Variants in ITFG1 observed in about 807,000 individuals in gnomAD.
The protein encoded by ITFG1 is integrin alpha FG-GAP repeat containing 1.
A neutral mutation model predicts 81.8 loss-of-function variants in ITFG1; 34 were observed. That is an observed-to-expected ratio of 0.42 (90% CI 0.32 to 0.55). ITFG1 has a LOEUF of 0.55. ITFG1 is among the 20% of genes least tolerant of loss of function. The probability of loss-of-function intolerance (pLI) is 0.17; values close to 1 mark genes in which losing one functional copy is unlikely to be tolerated. For missense variants in ITFG1, 672 were observed against 755.4 expected (o/e 0.89, Z 1.29); for synonymous variants, 285 against 270.6 (o/e 1.05, Z -0.52).
At chr16:47,370,742 G>A (rs760756997) in intron 7 of ITFG1, among the ~76,000 whole-genome samples, 10 of 152,294 alleles carry the variant, frequency 6.6e-5, no homozygotes, top group Non-Finnish European at 1.2e-4. Context: ...CAGTGGGTGT[G>A]AGATTAGGAC....
chr16:47,160,396 T>G (rs1964785410), intron 16 of ITFG1, among the ~76,000 whole-genome samples: 1 of 152,142 alleles, frequency 6.6e-6, no homozygotes, highest in African/African-American at 2.4e-5. Flanking sequence ...GTTGTTGTTG[T>G]TATTGTTTTT....
At chr16:47,271,178 AC>A (rs1966335215) in intron 10 of ITFG1, among the ~76,000 whole-genome samples, 1 of 152,232 alleles carries the variant, frequency 6.6e-6, no homozygotes, top group African/African-American at 2.4e-5. Context: ...AAGTAAGATG[AC>A]AACCCACAGA....
At chr16:47,307,119 A>AAAAAAAAAAAAAAAAAAAAAAAC (rs1967180297) in intron 10 of ITFG1, among the ~76,000 whole-genome samples, 1 of 148,598 alleles carries the variant, frequency 6.7e-6, no homozygotes, top group African/African-American at 2.5e-5. Context: ...AAAAAAAAAA[A>AAAAAAAAAAAAAAAAAAAAAAAC]AAAACGGAGA....
At chr16:47,216,383 T>C (rs1965625254) in intron 14 of ITFG1, among the ~76,000 whole-genome samples, 1 of 152,146 alleles carries the variant, frequency 6.6e-6, no homozygotes. Flanking sequence ...GCATTTTCAG[T>C]AGAGACAGCG....
chr16:47,386,564 G>A (rs527592005), intron 6 of ITFG1, among the ~76,000 whole-genome samples: 12 of 152,314 alleles, frequency 7.9e-5, no homozygotes, highest in Non-Finnish European at 1.0e-4. Context: ...TCCATCTCTC[G>A]TGCAGCACAC....
chr16:47,161,591 G>A, intron 16 of ITFG1, 159 bp downstream of exon 16: 2 of 455,666 alleles, frequency 4.4e-6, no homozygotes, highest in East Asian at 6.3e-5. Flanking sequence ...GACCTTTTAT[G>A]TAAGTATGTT....
chr16:47,189,529 C>T (rs1207948376), intron 14 of ITFG1, among the ~76,000 whole-genome samples: 3 of 152,236 alleles, frequency 2.0e-5, no homozygotes, highest in Admixed American at 1.3e-4. Flanking sequence ...TATTGTTGCA[C>T]GTTTCATGTT....
At chr16:47,226,158 T>C (rs1308230464) in intron 13 of ITFG1, among the ~76,000 whole-genome samples, 1 of 152,216 alleles carries the variant, frequency 6.6e-6, no homozygotes, top group Non-Finnish European at 1.5e-5. Flanking sequence ...ACTAGATTGT[T>C]TCTAAGTTAC....
At chr16:47,380,453 A>AC (rs1375830335) in intron 6 of ITFG1, among the ~76,000 whole-genome samples, 1 of 152,312 alleles carries the variant, frequency 6.6e-6, no homozygotes, top group East Asian at 1.9e-4. Context: ...AGGTTAAATT[A>AC]CAGTGTAAAC....
At chr16:47,334,138 C>A (rs1967672115) in intron 8 of ITFG1, among the ~76,000 whole-genome samples, 1 of 152,164 alleles carries the variant, frequency 6.6e-6, no homozygotes, top group Non-Finnish European at 1.5e-5. Flanking sequence ...ATTCAAAGAA[C>A]CTCTCAATAC....
At chr16:47,383,514 T>A (rs1191538020) in intron 6 of ITFG1, among the ~76,000 whole-genome samples, 1 of 152,234 alleles carries the variant, frequency 6.6e-6, no homozygotes, top group Non-Finnish European at 1.5e-5. Context: ...ACTTTCTAGT[T>A]GCTCAATAGC....
intron 8 of ITFG1, among the ~76,000 whole-genome samples, chr16:47,364,782 A>C (rs1316413771): frequency 1.3e-5 from 2 of 152,244 alleles, no homozygotes; most frequent in African/African-American, 4.8e-5. Flanking sequence ...ATGACACTGA[A>C]CAGTGACTTG....
At chr16:47,416,203 C>T (rs1968872910) in intron 6 of ITFG1, among the ~76,000 whole-genome samples, 2 of 151,264 alleles carry the variant, frequency 1.3e-5, no homozygotes, top group Admixed American at 6.6e-5. Context: ...AAATCAGGCA[C>T]CAGAGCAATA....
chr16:47,273,183 TC>T (rs1302876811), intron 10 of ITFG1, among the ~76,000 whole-genome samples: 1 of 151,994 alleles, frequency 6.6e-6, no homozygotes, highest in Non-Finnish European at 1.5e-5. Flanking sequence ...TTAACTCTCT[TC>T]CTTAATTCCC....
intron 8 of ITFG1, among the ~76,000 whole-genome samples, chr16:47,337,298 G>A (rs912472692): frequency 2.0e-5 from 3 of 151,722 alleles, no homozygotes; most frequent in South Asian, 2.1e-4. Flanking sequence ...ACAGCCAGGC[G>A]CGGTGGCTCA....
chr16:47,250,976 G>C (rs1966067269), intron 12 of ITFG1, among the ~76,000 whole-genome samples: 1 of 152,214 alleles, frequency 6.6e-6, no homozygotes, highest in African/African-American at 2.4e-5. Flanking sequence ...TTACTTGGTA[G>C]TTCTTGGTAG....
chr16:47,353,976 C>G (rs1191785415), intron 8 of ITFG1, among the ~76,000 whole-genome samples: 1 of 151,986 alleles, frequency 6.6e-6, no homozygotes, highest in Admixed American at 6.6e-5. Flanking sequence ...ACCACACTAC[C>G]CAAAGCAATC....
intron 7 of ITFG1, 62 bp from the exon 8 acceptor site, chr16:47,365,931 A>G (rs979605604): frequency 6.9e-5 from 61 of 884,570 alleles, no homozygotes; most frequent in South Asian, 4.7e-4. Context: ...TAAGTGTAAA[A>G]CAAAGCATTC....
At chr16:47,275,520 C>T (rs1478902739) in intron 10 of ITFG1, among the ~76,000 whole-genome samples, 1 of 152,106 alleles carries the variant, frequency 6.6e-6, no homozygotes, top group African/African-American at 2.4e-5. Context: ...ACAGATTTAA[C>T]GTTCTGAATC....
Sources: gnomAD v4.1 joint callset for allele counts (sites outside exome capture counted in the v4.1 genomes callset) on GRCh38, gnomAD v4.1.1 for gene constraint, MANE v1.5 for transcripts, NCBI Gene and HGNC (gene_info 2026-07-23, HGNC 2026-07-21) for gene names.